The following PCDH15 variants were observed in gnomAD, a reference collection of about 807,000 sequenced individuals.
PCDH15 encodes protocadherin-15.
PCDH15 carries 129 observed loss-of-function variants against 178.5 expected under a neutral mutation model. That is an observed-to-expected ratio of 0.72 (90% CI 0.63 to 0.84). PCDH15 has a LOEUF of 0.84. Among genes scored for constraint, PCDH15 ranks in the 40% least tolerant of loss-of-function variants. The probability of loss-of-function intolerance (pLI) is 0.00; values close to 1 mark genes in which losing one functional copy is unlikely to be tolerated. For synonymous variants in PCDH15, 800 were observed against 732.0 expected (o/e 1.09, Z -1.50); for missense variants, 2,230 against 2,099.9 (o/e 1.06, Z -1.21).
Position 55,588,589 on chromosome 10 carries a change from G to A in PCDH15, c.-156+39036C>T, listed in dbSNP as rs182974892. ...TTAAGATGGGAGTCATAATGATCAT[G>A]TGCCATGTGAGAATATTTGAGACAG... is the stretch of plus-strand genomic sequence containing the variant. On this transcript the variant is annotated intron_variant, in intron 2 of 5. Coordinates refer to the PCDH15 transcript ENST00000613346. Among the ~76,000 whole-genome samples the A allele has an allele frequency of 1.6e-4, 25 of 152,060 alleles. No individual in the cohort carries two copies. In the East Asian group the frequency reaches 4.3e-3, roughly 26 times the overall value.
At chr10:54,653,266 C>A (rs1374082454) in intron 2 of PCDH15, among the ~76,000 whole-genome samples, 2 of 152,168 alleles carry the variant, frequency 1.3e-5, no homozygotes, top group East Asian at 3.9e-4. Context: ...TTCATCTAAA[C>A]CCCTTACATT....
intron 8 of PCDH15, among the ~76,000 whole-genome samples, chr10:54,299,842 A>T (rs1205803852): frequency 6.6e-6 from 1 of 152,234 alleles, no homozygotes; most frequent in Non-Finnish European, 1.5e-5. Flanking sequence ...TTACAGAATC[A>T]GGAAGGAGCT....
At chr10:55,240,322 T>C (rs1841508090) in intron 1 of PCDH15, among the ~76,000 whole-genome samples, 1 of 152,198 alleles carries the variant, frequency 6.6e-6, no homozygotes, top group Non-Finnish European at 1.5e-5. Context: ...TTCTAAATAA[T>C]TTTGGAATTT....
chr10:53,971,969 C>CA (rs1554888549), intron 21 of PCDH15, among the ~76,000 whole-genome samples: 1 of 151,668 alleles, frequency 6.6e-6, no homozygotes, highest in African/African-American at 2.4e-5. Context: ...AAAAAAGAGC[C>CA]CACAGCCAAG....
At chr10:54,474,896 T>G (rs1451363641) in intron 3 of PCDH15, among the ~76,000 whole-genome samples, 3 of 151,942 alleles carry the variant, frequency 2.0e-5, no homozygotes, top group Non-Finnish European at 2.9e-5. Flanking sequence ...AAATGTTACA[T>G]AAAACAATTT....
chr10:53,825,954 G>A (rs1305639941), intron 32 of PCDH15, among the ~76,000 whole-genome samples: 2 of 151,520 alleles, frequency 1.3e-5, no homozygotes, highest in Non-Finnish European at 3.0e-5. Flanking sequence ...GATTCCAGAT[G>A]ATGTTATAGT....
chr10:54,364,041 C>T (rs1354185868), intron 5 of PCDH15, among the ~76,000 whole-genome samples: 12 of 151,800 alleles, frequency 7.9e-5, no homozygotes, highest in Admixed American at 7.2e-4. Flanking sequence ...GGAGAAAACC[C>T]ATCTCTACTA....
At chr10:55,512,971 T>C (rs892397391) in intron 2 of PCDH15, 9 of 152,132 alleles carry the variant, frequency 5.9e-5, no homozygotes, top group African/African-American at 1.9e-4. Flanking sequence ...TATTACCAAG[T>C]GCTACTGTGT....
At chr10:55,467,838 C>T (rs1255613115) in intron 2 of PCDH15, among the ~76,000 whole-genome samples, 1 of 151,296 alleles carries the variant, frequency 6.6e-6, no homozygotes, top group Non-Finnish European at 1.5e-5. Context: ...TGGAGGCGGG[C>T]ACCTGTAGTC....
At chr10:55,208,908 A>C (rs1235659147) in intron 1 of PCDH15, among the ~76,000 whole-genome samples, 1 of 152,146 alleles carries the variant, frequency 6.6e-6, no homozygotes, top group Non-Finnish European at 1.5e-5. Flanking sequence ...GAGATACAGT[A>C]TACTTGGGCA....
intron 2 of PCDH15, among the ~76,000 whole-genome samples, chr10:55,514,313 C>T (rs1411512852): frequency 1.3e-5 from 2 of 152,092 alleles, no homozygotes; most frequent in Admixed American, 1.3e-4. Flanking sequence ...TCAGATTTCT[C>T]ATTGAAGCTA....
At chr10:54,978,515 G>A (rs1034073505) in intron 2 of PCDH15, among the ~76,000 whole-genome samples, 2 of 152,132 alleles carry the variant, frequency 1.3e-5, no homozygotes, top group Admixed American at 6.6e-5. Flanking sequence ...AGCTGATTAT[G>A]TTGGGAAGCT....
chr10:55,031,294 C>T (rs78480245), intron 2 of PCDH15, among the ~76,000 whole-genome samples: 2,128 of 152,254 alleles, frequency 0.014, 49 homozygotes, highest in African/African-American at 0.048. Flanking sequence ...CAGTTTATAA[C>T]TCCATGTGTA....
At chr10:54,745,776 T>C (rs1381167823) in intron 1 of PCDH15, among the ~76,000 whole-genome samples, 1 of 152,300 alleles carries the variant, frequency 6.6e-6, no homozygotes, top group African/African-American at 2.4e-5. Context: ...AAGGCCAGAG[T>C]GCTTTCAAAT....
At chr10:54,978,358 A>C (rs1306707061) in intron 2 of PCDH15, among the ~76,000 whole-genome samples, 1 of 152,134 alleles carries the variant, frequency 6.6e-6, no homozygotes, top group African/African-American at 2.4e-5. Flanking sequence ...ACTGGTAAAA[A>C]TCGTGCATGT....
At chr10:54,948,681 G>A (rs1010317964) in intron 2 of PCDH15, among the ~76,000 whole-genome samples, 2 of 151,858 alleles carry the variant, frequency 1.3e-5, no homozygotes, top group East Asian at 3.9e-4. Context: ...CTCCTAACAA[G>A]TTTATGGGAC....
chr10:55,052,954 T>C lies in PCDH15; in HGVS notation c.-80+113622A>G, dbSNP rs138151370. Among the ~76,000 whole-genome samples, 653 of 152,266 alleles carry C rather than the reference T, an allele frequency of 4.3e-3. 4 individuals carry two copies. The highest frequency in any genetic ancestry group is 0.012 in the African/African-American group (517 of 41,558). ...GACATGCAGGAGCAAAGACTGAAAT[T>C]GAACATTTCAGGGAAGGACTGTCTA... is the stretch of plus-strand genomic sequence containing the variant. On this transcript the variant is annotated intron_variant, in intron 2 of 5. Transcript: ENST00000458638.
intron 8 of PCDH15, among the ~76,000 whole-genome samples, chr10:54,249,031 A>C (rs1051820046): frequency 1.3e-5 from 2 of 152,080 alleles, no homozygotes; most frequent in Non-Finnish European, 1.5e-5. Context: ...ATGATCCTAG[A>C]GTATCTTTAA....
At chr10:54,169,661 C>T (rs921677371) in intron 13 of PCDH15, among the ~76,000 whole-genome samples, 1 of 151,238 alleles carries the variant, frequency 6.6e-6, no homozygotes, top group African/African-American at 2.4e-5. Flanking sequence ...TATAAGATAC[C>T]TCTACTCCCT....
Sources: gnomAD v4.1 joint callset for allele counts (sites outside exome capture counted in the v4.1 genomes callset) on GRCh38, gnomAD v4.1.1 for gene constraint, MANE v1.5 for transcripts, NCBI Gene and HGNC (gene_info 2026-07-23, HGNC 2026-07-21) for gene names.